OGFOD3: variants seen among roughly 807,000 people sequenced by gnomAD.
OGFOD3 encodes 2-oxoglutarate and iron dependent oxygenase domain containing 3, also known as 2-oxoglutarate and iron-dependent oxygenase domain-containing protein 3.
OGFOD3 carries 35 observed loss-of-function variants against 39.8 expected under a neutral mutation model. The ratio of observed to expected loss-of-function variants is 0.88; its 90% CI spans 0.67 to 1.17. The LOEUF is 1.17. Among genes scored for constraint, OGFOD3 ranks in the 50% most tolerant of loss-of-function variants. The probability of loss-of-function intolerance (pLI) is 0.00; values close to 1 mark genes in which losing one functional copy is unlikely to be tolerated. For synonymous variants in OGFOD3, 200 were observed against 192.0 expected (o/e 1.04, Z -0.34); for missense variants, 438 against 454.5 (o/e 0.96, Z 0.33).
At position 82,404,186 on chromosome 17, in the gene OGFOD3, T is replaced by G; in HGVS notation, c.546-96A>C. The G allele has an allele frequency of 7.2e-7, 1 of 1,385,876 alleles. No homozygotes were observed. The highest frequency in any genetic ancestry group is 9.6e-7 in the Non-Finnish European group (1 of 1,045,758). 85.8% of individuals were successfully genotyped at this position (1,385,876 alleles called of 1,614,324 possible). A position where few individuals can be genotyped will look rare whatever the true frequency, so the allele number is the denominator to read the frequency against. On this transcript the variant is annotated intron_variant, in intron 6 of 8. Transcript: ENST00000313056. The surrounding 1 kb of genome is among the most constrained non-coding windows in gnomAD (Gnocchi z 4.5). ...GTGGCAGGAAAGGAACCAGCCTTCG[T>G]ACGGCTCCGGGCCCGCGGGGCGGGG...
At chr17:82,397,743 G>A (rs888294612) in intron 8 of OGFOD3, among the ~76,000 whole-genome samples, 5 of 152,136 alleles carry the variant, frequency 3.3e-5, no homozygotes, top group East Asian at 1.9e-4. Context: ...TTCTGAAGCC[G>A]GCACCGCAGA....
chr17:82,418,180 C>T (rs2053104621), intron 1 of OGFOD3: 1 of 396,894 alleles, frequency 2.5e-6, no homozygotes, highest in Non-Finnish European at 4.6e-6. Context: ...TTCTCCTGCC[C>T]CTCTGGGATA....
Position 82,418,480 on chromosome 17 carries a change from A to G in OGFOD3, c.6T>C (p.Ala2=). M[A]PQRRAATKAP... ...CCTTGGTTGCGGCCCTCCGCTGAGG[A>G]GCCATCGGACCAGGCCGCCGCGGAG... The change falls in exon 1 of 9, where the codon GCT becomes GCC. Residue 2 remains alanine (A), a synonymous_variant. Coordinates refer to ENST00000313056, the MANE Select transcript of OGFOD3 (RefSeq NM_024648.3). 6.8e-7 allele frequency: 1 copy of G among 1,461,640 alleles called. No individual in the cohort carries two copies. Among genetic ancestry groups the G allele is most frequent in the Non-Finnish European group, 9.0e-7 (1 of 1,111,548 alleles). The allele number at this position is 1,461,640 out of a possible 1,614,324, so 90.5% of individuals were successfully genotyped here. A position where few individuals can be genotyped will look rare whatever the true frequency, so the allele number is the denominator to read the frequency against.
intron 8 of OGFOD3, chr17:82,394,518 A>G: frequency 1.2e-6 from 2 of 1,612,778 alleles, no homozygotes; most frequent in Non-Finnish European, 1.7e-6. Flanking sequence ...GGAACCCACA[A>G]GACATCATCC....
intron 4 of OGFOD3, among the ~76,000 whole-genome samples, chr17:82,407,471 G>A (rs2052873669): frequency 6.6e-6 from 1 of 152,204 alleles, no homozygotes. Flanking sequence ...TGGGCGGCTG[G>A]CACCACAGTG....
chr17:82,401,803 C>CAAAAAAAA lies in OGFOD3; in HGVS notation c.699+2126_699+2133dup, dbSNP rs79956747. Among the ~76,000 whole-genome samples, 33 of 61,688 alleles carry CAAAAAAAA rather than the reference C, an allele frequency of 5.3e-4. No homozygotes were observed. The South Asian group carries it at 8.6e-3, about 16-fold the overall frequency. 40.5% of individuals were successfully genotyped at this position (61,688 alleles called of 152,430 possible). A position where few individuals can be genotyped will look rare whatever the true frequency, so the allele number is the denominator to read the frequency against. ...TGGGTGGCAGAGCAAGACTCCATCTCAAAAAAAAAAAAAAAAAAAACAAAG... is the reference window on the plus strand; with the variant it reads ...TGGGTGGCAGAGCAAGACTCCATCTCAAAAAAAAAAAAAAAAAAAAAAAAAAAACAAAG... On this transcript the variant is annotated intron_variant, in intron 7 of 8. Coordinates refer to ENST00000313056, the MANE Select transcript of OGFOD3 (RefSeq NM_024648.3).
In OGFOD3 at chr17:82,402,826, G is replaced by A. The variant is rs143126103; in HGVS notation, c.699+1111C>T. On this transcript the variant is annotated intron_variant, in intron 7 of 8. Coordinates refer to ENST00000313056, the MANE Select transcript of OGFOD3 (RefSeq NM_024648.3). ...TCCCAGCACCTTGGGAGGCTGAGGC[G>A]GGAGGATTGCTTCAGCCCAGGAGGT... 3.2e-3 allele frequency among the ~76,000 whole-genome samples: 481 copies of A among 152,114 alleles called. 10 individuals are homozygous for A. The highest frequency in any genetic ancestry group is 4.1e-3 in the Non-Finnish European group (277 of 67,976).
intron 4 of OGFOD3, among the ~76,000 whole-genome samples, chr17:82,408,650 G>A (rs961056001): frequency 2.0e-5 from 3 of 152,004 alleles, no homozygotes; most frequent in Non-Finnish European, 4.4e-5. Context: ...TTCCATGGCC[G>A]CACTGCTCCC....
chr17:82,401,544 C>T (rs1277645537), intron 7 of OGFOD3, among the ~76,000 whole-genome samples: 1 of 151,918 alleles, frequency 6.6e-6, no homozygotes, highest in African/African-American at 2.4e-5. Flanking sequence ...ACAACTGAAA[C>T]TGCACAGAGT....
intron 8 of OGFOD3, among the ~76,000 whole-genome samples, chr17:82,397,420 G>GGGGGGGGGGC (rs2052693046): frequency 8.1e-6 from 1 of 123,248 alleles, no homozygotes; most frequent in African/African-American, 3.0e-5. Flanking sequence ...GGGGGTGAGG[G>GGGGGGGGGGC]CAGTGCCCTG....
rs1203472840 is a variant in OGFOD3 at position 82,404,054 on chromosome 17, C to T, written c.582G>A (p.Glu194=). 6.8e-6 allele frequency: 11 copies of T among 1,608,622 alleles called. No individual in the cohort carries two copies. Among genetic ancestry groups the T allele is most frequent in the Non-Finnish European group, 9.3e-6 (11 of 1,177,530 alleles). The change falls in exon 7 of 9, where the codon GAG becomes GAA. Residue 194 remains glutamate, a synonymous_variant. Coordinates refer to ENST00000313056, the MANE Select transcript of OGFOD3 (RefSeq NM_024648.3). This position sits in a 1 kb window ranked among gnomAD's most constrained non-coding sequence, Gnocchi z 4.5. The part of the protein sequence containing the change: ...VRQKVQLTIA[E]AFGISASSLH... ...GCGAGGATGCGCTGATGCCAAAAGC[C>T]TCAGCAATGGTGAGCTGGACCTTCT...
chr17:82,403,888 C>T (rs1401129200), intron 7 of OGFOD3, 49 bp downstream of exon 7: 9 of 1,552,458 alleles, frequency 5.8e-6, no homozygotes, highest in Middle Eastern at 2.0e-4. Context: ...CCCACGGGCA[C>T]GCTCACCTTG....
chr17:82,399,659 T>C (rs2052732435), intron 7 of OGFOD3, among the ~76,000 whole-genome samples: 1 of 152,108 alleles, frequency 6.6e-6, no homozygotes, highest in Non-Finnish European at 1.5e-5. Context: ...CATTCCGCTT[T>C]CTGTCTCTGT....
chr17:82,409,663 A>T (rs1599700361), intron 3 of OGFOD3, among the ~76,000 whole-genome samples: 1 of 152,206 alleles, frequency 6.6e-6, no homozygotes, highest in African/African-American at 2.4e-5. Context: ...TTGGGAGGCC[A>T]AGGCGGGTGG....
At chr17:82,411,574 C>G in intron 2 of OGFOD3, 44 bp from the exon 3 acceptor site, 1 of 1,524,912 alleles carries the variant, frequency 6.6e-7, no homozygotes, top group Non-Finnish European at 9.1e-7. Flanking sequence ...CCAAGGCCAC[C>G]GGCGCATGCC....
Position 82,418,388 on chromosome 17 carries a change from C to T in OGFOD3, c.74+24G>A, listed in dbSNP as rs1408430821. ...TGGCCCTGTCCGCCGCCGCAGCGCGCGCCCTTCCCCTCCTCACCGCTACCT... is the reference window on the plus strand; with the variant it reads ...TGGCCCTGTCCGCCGCCGCAGCGCGTGCCCTTCCCCTCCTCACCGCTACCT... On this transcript the variant is annotated intron_variant, in intron 1 of 8. Coordinates refer to ENST00000313056, the MANE Select transcript of OGFOD3 (RefSeq NM_024648.3). 4.8e-6 allele frequency: 7 copies of T among 1,460,446 alleles called. No individual in the cohort carries two copies. The South Asian group carries it at 6.3e-5, about 13-fold the overall frequency. 90.5% of individuals were successfully genotyped at this position (1,460,446 alleles called of 1,614,324 possible).
Position 82,399,405 on chromosome 17 carries a change from T to G in OGFOD3, c.700-1086A>C, listed in dbSNP as rs1463953256. On this transcript the variant is annotated intron_variant, in intron 7 of 8. Transcript: ENST00000313056. ...GAACCAGAGGCAGCGGTGGACGCGC[T>G]TTTCTCCTTTCTTCAGAAGTGGAGC... Among the ~76,000 whole-genome samples, 3 of 152,200 alleles carry G rather than the reference T, an allele frequency of 2.0e-5. No homozygotes were observed. The East Asian group carries it at 5.8e-4, about 29-fold the overall frequency.
chr17:82,407,653 G>A (rs1281149296), intron 4 of OGFOD3, among the ~76,000 whole-genome samples: 1 of 152,120 alleles, frequency 6.6e-6, no homozygotes, highest in African/African-American at 2.4e-5. Context: ...CTTCCTCATC[G>A]CCACAGCCAC....
At chr17:82,411,049 CTT>C (rs758650372) in intron 3 of OGFOD3, among the ~76,000 whole-genome samples, 11 of 136,060 alleles carry the variant, frequency 8.1e-5, no homozygotes, top group Admixed American at 1.5e-4. Context: ...ATAATAAAAT[CTT>C]TTTTTTTTTT....
Sources: allele counts gnomAD v4.1 joint callset (sites outside exome capture counted in the v4.1 genomes callset), GRCh38; gene constraint gnomAD v4.1.1; non-coding constraint Gnocchi (gnomAD v3.1); transcripts MANE v1.5; gene names NCBI Gene and HGNC (gene_info 2026-07-23, HGNC 2026-07-21).